The following IPPK variants were observed in gnomAD, a reference collection of about 807,000 sequenced individuals.
The protein encoded by IPPK is IPK1 homolog.
Under a neutral mutation model 64.6 loss-of-function variants are expected in IPPK, and 22 were observed. The ratio of observed to expected loss-of-function variants is 0.34; its 90% confidence interval spans 0.24 to 0.49. The LOEUF (loss-of-function observed/expected upper bound fraction) is 0.49, where lower values mean the gene tolerates loss of function less well. Among genes scored for constraint, IPPK ranks in the 20% least tolerant of loss-of-function variants. The probability of loss-of-function intolerance (pLI) is 0.99; values close to 1 mark genes in which losing one functional copy is unlikely to be tolerated. For synonymous variants in IPPK, 262 were observed against 247.2 expected (o/e 1.06, Z -0.56); for missense variants, 532 against 630.7 (o/e 0.84, Z 1.68).
Position 92,656,546 on chromosome 9 carries a change from C to T in IPPK, c.135G>A (p.Ser45=), listed in dbSNP as rs752238347. ...LKFPPNRKKT[S]EEIFQHLQNI... The stretch of plus-strand genomic sequence containing the variant: ...TCTGCAGGTGTTGAAATATCTCTTC[C>T]GAGGTCTGTAAGAGACAACCACAGG... The change falls in exon 3 of 13, where the codon TCG becomes TCA. Residue 45 remains serine (S), a synonymous_variant. Transcript: ENST00000287996. The T allele has an allele frequency of 2.3e-5, 37 of 1,609,622 alleles. No homozygotes were observed. The highest frequency in any genetic ancestry group is 5.5e-5 in the South Asian group (5 of 91,014).
chr9:92,641,362 G>A (rs537153773), intron 7 of IPPK, among the ~76,000 whole-genome samples: 28 of 152,306 alleles, frequency 1.8e-4, no homozygotes, highest in African/African-American at 6.5e-4. Context: ...CCTGCCAGTA[G>A]GGACAGCCCA....
chr9:92,669,803 G>C, intron 1 of IPPK, 105 bp downstream of exon 1: 1 of 777,132 alleles, frequency 1.3e-6, no homozygotes, highest in Non-Finnish European at 2.1e-6. Context: ...GGAAGGTACT[G>C]GGGGGACGTG....
intron 11 of IPPK, among the ~76,000 whole-genome samples, chr9:92,626,269 C>A (rs757974628): frequency 3.3e-5 from 5 of 152,008 alleles, no homozygotes; most frequent in Non-Finnish European, 5.9e-5. Flanking sequence ...TGGTGGCAGG[C>A]GCCTGTAGTC....
At chr9:92,619,606 G>A in intron 11 of IPPK, 41 bp from the exon 12 acceptor site, 2 of 1,513,306 alleles carry the variant, frequency 1.3e-6, no homozygotes, top group Non-Finnish European at 1.8e-6. Flanking sequence ...CACACAGGAA[G>A]CCTCTGCCCC....
intron 11 of IPPK, among the ~76,000 whole-genome samples, chr9:92,622,605 A>AT: frequency 6.9e-6 from 1 of 144,252 alleles, no homozygotes; most frequent in Non-Finnish European, 1.5e-5. Context: ...TTTTATCAGA[A>AT]TAATATATAT....
At chr9:92,649,841 CAT>C (rs1050253584) in intron 4 of IPPK, among the ~76,000 whole-genome samples, 1 of 151,822 alleles carries the variant, frequency 6.6e-6, no homozygotes, top group African/African-American at 2.4e-5. Context: ...GCCTGGCCAA[CAT>C]AGTGAAACCC....
chr9:92,636,671 T>A (rs1851948978), intron 9 of IPPK, among the ~76,000 whole-genome samples: 1 of 151,692 alleles, frequency 6.6e-6, no homozygotes, highest in African/African-American at 2.4e-5. Context: ...AAAAAACATA[T>A]ATGTGATGAT....
chr9:92,649,591 G>A lies in IPPK; in HGVS notation c.293-17C>T, dbSNP rs367720585. On this transcript the variant is annotated splice_polypyrimidine_tract_variant and intron_variant, in intron 4 of 12. Transcript: ENST00000287996. The stretch of plus-strand genomic sequence containing the variant: ...AGCGAGACTCTGGAAAACAGAGCAA[G>A]GGTCACACAGAGCAAGGTCAGTGAG... 6.2e-7 allele frequency: 1 copy of A among 1,613,502 alleles called. No homozygotes were observed. Among genetic ancestry groups the A allele is most frequent in the African/African-American group, 1.3e-5 (1 of 75,024 alleles).
chr9:92,644,819 C>A (rs9777696), intron 6 of IPPK, among the ~76,000 whole-genome samples: 2,290 of 152,210 alleles, frequency 0.015, 44 homozygotes, highest in African/African-American at 0.052. Flanking sequence ...TCCAGAGGGG[C>A]CACATTATAT....
At chr9:92,634,330 G>A in intron 11 of IPPK, 56 bp downstream of exon 11, 1 of 1,228,136 alleles carries the variant, frequency 8.1e-7, no homozygotes, top group Non-Finnish European at 1.2e-6. Flanking sequence ...CAAAAAAACA[G>A]ATTAGTGCTA....
intron 3 of IPPK, among the ~76,000 whole-genome samples, chr9:92,654,407 C>T (rs1223387177): frequency 6.6e-6 from 1 of 152,106 alleles, no homozygotes; most frequent in East Asian, 1.9e-4. Context: ...GTCCCAGCTA[C>T]TTGGGGGTGG....
intron 1 of IPPK, among the ~76,000 whole-genome samples, chr9:92,663,495 G>C (rs1852529850): frequency 6.6e-6 from 1 of 152,176 alleles, no homozygotes; most frequent in Non-Finnish European, 1.5e-5. Context: ...GTGCACCAAA[G>C]TGTTAACAAA....
Position 92,670,095 on chromosome 9 carries a change from T to A in IPPK, c.-107A>T. 2 of 702,698 alleles carry A rather than the reference T, an allele frequency of 2.8e-6. No homozygotes were observed. The highest frequency in any genetic ancestry group is 4.4e-6 in the Non-Finnish European group (2 of 456,638). 43.5% of individuals were successfully genotyped at this position (702,698 alleles called of 1,614,324 possible). On this transcript the variant is annotated 5_prime_UTR_variant, in exon 1 of 13. Coordinates refer to ENST00000287996, the MANE Select transcript of IPPK (RefSeq NM_022755.6). ...GCTGCGGTCGGGGGAGGAGCGCCTG[T>A]CAGCTGCCGCCCCCGCTCGACCCCG...
At chr9:92,654,315 G>A (rs547893129) in intron 3 of IPPK, among the ~76,000 whole-genome samples, 8 of 152,156 alleles carry the variant, frequency 5.3e-5, no homozygotes, top group South Asian at 2.1e-4. Flanking sequence ...CCAAGAGTTC[G>A]AGACCAGCCT....
At chr9:92,648,243 A>G (rs1852189087) in intron 5 of IPPK, 95 bp from the exon 6 acceptor site, 3 of 933,732 alleles carry the variant, frequency 3.2e-6, no homozygotes, top group Non-Finnish European at 4.9e-6. Context: ...TGAGTGCAGC[A>G]AGATAATTAG....
At chr9:92,645,584 G>T (rs1852136009) in intron 6 of IPPK, among the ~76,000 whole-genome samples, 1 of 151,980 alleles carries the variant, frequency 6.6e-6, no homozygotes, top group South Asian at 2.1e-4. Flanking sequence ...GCCCAAGAGA[G>T]AATCTTAAAA....
At chr9:92,657,297 C>T (rs1315003236) in intron 2 of IPPK, among the ~76,000 whole-genome samples, 2 of 151,824 alleles carry the variant, frequency 1.3e-5, no homozygotes, top group African/African-American at 4.8e-5. Flanking sequence ...TGCAGTGAGC[C>T]GAGACCGTGC....
chr9:92,659,585 T>C (rs1485327519), intron 1 of IPPK, among the ~76,000 whole-genome samples: 3 of 152,222 alleles, frequency 2.0e-5, no homozygotes, highest in South Asian at 2.1e-4. Context: ...TGGGAGGGGC[T>C]CTAACGGCAG....
At chr9:92,657,748 G>A (rs1459268956) in intron 2 of IPPK, among the ~76,000 whole-genome samples, 2 of 151,944 alleles carry the variant, frequency 1.3e-5, no homozygotes, top group African/African-American at 4.8e-5. Context: ...ACCCACTGTG[G>A]CCCCACCAAC....
Sources: gnomAD v4.1 joint callset for allele counts (sites outside exome capture counted in the v4.1 genomes callset) on GRCh38, gnomAD v4.1.1 for gene constraint, MANE v1.5 for transcripts, NCBI Gene and HGNC (gene_info 2026-07-23, HGNC 2026-07-21) for gene names.